Variants in FBLN2 observed in about 807,000 individuals in gnomAD.
The protein encoded by FBLN2 is fibulin 2.
Under a neutral mutation model 123.7 loss-of-function variants are expected in FBLN2, and 81 were observed. That is an observed-to-expected ratio of 0.65 (90% CI 0.55 to 0.79). The LOEUF is 0.79. Among genes scored for constraint, FBLN2 ranks in the 30% least tolerant of loss-of-function variants. The pLI, the probability that FBLN2 is intolerant of heterozygous loss-of-function variation, is 0.00. For missense variants in FBLN2, 1,603 were observed against 1,681.3 expected, an observed-to-expected ratio of 0.95 and a Z score of 0.81; for synonymous variants, 699 against 701.4, an observed-to-expected ratio of 1.00 and a Z score of 0.05.
chr3:13,616,026 A>G (rs975153800), intron 5 of FBLN2, among the ~76,000 whole-genome samples: 2 of 152,216 alleles, frequency 1.3e-5, no homozygotes, highest in African/African-American at 2.4e-5. Context: ...GGGAGAACAG[A>G]TACCTGGATC....
At chr3:13,629,401 C>T in intron 13 of FBLN2, 109 bp downstream of exon 13, 3 of 1,377,474 alleles carry the variant, frequency 2.2e-6, no homozygotes, top group Non-Finnish European at 2.9e-6. Context: ...GTGGGGCCCA[C>T]CTGCTGGAGT....
At chr3:13,559,535 A>C (rs917961463) in intron 1 of FBLN2, among the ~76,000 whole-genome samples, 1 of 152,164 alleles carries the variant, frequency 6.6e-6, no homozygotes, top group African/African-American at 2.4e-5. Flanking sequence ...CCTGGTGTCC[A>C]TCTCTGAGTC....
chr3:13,629,417 A>G (rs1195071516), intron 13 of FBLN2, 125 bp downstream of exon 13: 5 of 1,317,828 alleles, frequency 3.8e-6, no homozygotes, highest in East Asian at 2.5e-5. Flanking sequence ...GGAGTCCACA[A>G]GGTCGCCTTC....
intron 2 of FBLN2, among the ~76,000 whole-genome samples, chr3:13,573,734 A>T (rs1041087776): frequency 6.6e-6 from 1 of 151,876 alleles, no homozygotes; most frequent in Non-Finnish European, 1.5e-5. Context: ...TGAAACCTCA[A>T]ATCTACTAAA....
intron 2 of FBLN2, among the ~76,000 whole-genome samples, chr3:13,598,314 C>T (rs982746420): frequency 6.6e-6 from 1 of 152,180 alleles, no homozygotes; most frequent in Non-Finnish European, 1.5e-5. Context: ...GGGAGAGTTA[C>T]TTGCCCATTT....
intron 2 of FBLN2, among the ~76,000 whole-genome samples, chr3:13,600,046 CGAGAGAGAGAGAGAGCGATA>C (rs1191679894): frequency 7.8e-6 from 1 of 128,218 alleles, no homozygotes; most frequent in Admixed American, 7.7e-5. Flanking sequence ...AGAGAGAGAG[CGAGAGAGAGAGAGAGCGATA>C]GAGAGAGAGA....
chr3:13,617,179 T>C (rs202134658), intron 5 of FBLN2, among the ~76,000 whole-genome samples: 68 of 129,500 alleles, frequency 5.3e-4, no homozygotes, highest in East Asian at 2.3e-3. Flanking sequence ...TCCATCCATC[T>C]ATCCATCCAT....
Position 13,578,054 on chromosome 3 carries a change from G to A in FBLN2, c.1306+6393G>A, listed in dbSNP as rs1442786345. 2.0e-5 allele frequency among the ~76,000 whole-genome samples: 3 copies of A among 152,246 alleles called. No individual in the cohort carries two copies. In the East Asian group the frequency reaches 5.8e-4, roughly 29 times the overall value. On this transcript the variant is annotated intron_variant, in intron 2 of 17. Coordinates refer to ENST00000404922, the MANE Select transcript of FBLN2 (RefSeq NM_001004019.2). ...TGGCTGGTAGCTGGGTGCTCCCTGT[G>A]TTTGCCTGCCTGGGCAAAATGCGTG...
At chr3:13,577,709 G>A (rs931769233) in intron 2 of FBLN2, among the ~76,000 whole-genome samples, 1 of 152,210 alleles carries the variant, frequency 6.6e-6, no homozygotes, top group Non-Finnish European at 1.5e-5. Flanking sequence ...GAGAGAATGG[G>A]AGCAGGTGGC....
intron 17 of FBLN2, 91 bp downstream of exon 17, chr3:13,636,659 A>G: frequency 6.8e-7 from 1 of 1,462,910 alleles, no homozygotes; most frequent in Non-Finnish European, 9.2e-7. Flanking sequence ...GCCTGCCTTG[A>G]TCACCTCCCT....
At chr3:13,567,379 ACGGGGT>A (rs1393745094) in intron 1 of FBLN2, among the ~76,000 whole-genome samples, 28 of 152,240 alleles carry the variant, frequency 1.8e-4, no homozygotes, top group African/African-American at 6.7e-4. Flanking sequence ...TTGTTTTGAG[ACGGGGT>A]CTCCCTCTGT....
intron 2 of FBLN2, among the ~76,000 whole-genome samples, chr3:13,607,315 GAA>G (rs11425999): frequency 6.6e-6 from 1 of 151,254 alleles, no homozygotes; most frequent in African/African-American, 2.4e-5. Context: ...GTAAGCTTGA[GAA>G]AAAAAAATGT....
At chr3:13,592,630 T>G (rs1704713707) in intron 2 of FBLN2, among the ~76,000 whole-genome samples, 2 of 152,236 alleles carry the variant, frequency 1.3e-5, no homozygotes, top group Non-Finnish European at 2.9e-5. Context: ...TATATCCCCC[T>G]ATTTATTCAG....
intron 1 of FBLN2, among the ~76,000 whole-genome samples, chr3:13,561,046 C>T (rs1703587607): frequency 6.6e-6 from 1 of 152,152 alleles, no homozygotes; most frequent in South Asian, 2.1e-4. Flanking sequence ...TAACCACCAC[C>T]TGGGCAAAGC....
intron 1 of FBLN2, among the ~76,000 whole-genome samples, chr3:13,553,595 T>C (rs1703383970): frequency 1.3e-5 from 2 of 152,222 alleles, no homozygotes; most frequent in Admixed American, 6.5e-5. Context: ...TTGTCTTCAG[T>C]TATTGGAATT....
At chr3:13,556,099 G>A (rs1030618747) in intron 1 of FBLN2, among the ~76,000 whole-genome samples, 1 of 152,180 alleles carries the variant, frequency 6.6e-6, no homozygotes, top group Non-Finnish European at 1.5e-5. Flanking sequence ...TCAGGGAGTG[G>A]CCATGTCCTC....
intron 1 of FBLN2, among the ~76,000 whole-genome samples, chr3:13,557,893 T>G (rs1355421260): frequency 6.6e-6 from 1 of 152,246 alleles, no homozygotes; most frequent in East Asian, 1.9e-4. Context: ...CTCTGATCTC[T>G]GGGAGTCCAG....
At chr3:13,559,858 G>A (rs1703559513) in intron 1 of FBLN2, among the ~76,000 whole-genome samples, 1 of 152,234 alleles carries the variant, frequency 6.6e-6, no homozygotes, top group South Asian at 2.1e-4. Flanking sequence ...AGCAGACCAT[G>A]TGGAGCATGC....
At chr3:13,608,512 C>T (rs893658678) in intron 3 of FBLN2, among the ~76,000 whole-genome samples, 3 of 152,164 alleles carry the variant, frequency 2.0e-5, no homozygotes, top group Non-Finnish European at 4.4e-5. Context: ...CAGTTGCTGC[C>T]GCACTCATGC....
Sources: allele counts gnomAD v4.1 joint callset (sites outside exome capture counted in the v4.1 genomes callset), GRCh38; gene constraint gnomAD v4.1.1; transcripts MANE v1.5; gene names NCBI Gene and HGNC (gene_info 2026-07-23, HGNC 2026-07-21).